Variants in ALDH3B2 observed in about 807,000 individuals in gnomAD.
ALDH3B2 encodes aldehyde dehydrogenase 3 family member B2.
A neutral mutation model predicts 36.7 loss-of-function variants in ALDH3B2; 45 were observed. The observed-to-expected ratio is 1.23, with a 90% CI of 0.97 to 1.57. The LOEUF (loss-of-function observed/expected upper bound fraction) is 1.57, where lower values mean the gene tolerates loss of function less well. ALDH3B2 is among the 40% of genes most tolerant of loss of function. The probability of loss-of-function intolerance (pLI) is 0.00; values close to 1 mark genes in which losing one functional copy is unlikely to be tolerated. For missense variants in ALDH3B2, 464 were observed against 513.3 expected (o/e 0.90, Z 0.93); for synonymous variants, 217 against 226.5 (o/e 0.96, Z 0.38).
intron 8 of ALDH3B2, 35 bp from the exon 9 acceptor site, chr11:67,663,796 A>C (rs573086275): frequency 6.4e-7 from 1 of 1,571,336 alleles, no homozygotes; most frequent in East Asian, 2.3e-5. Context: ...GTTGGGCTCT[A>C]GTCATGAGAA....
At chr11:67,674,076 C>T (rs2134158642) in intron 1 of ALDH3B2, among the ~76,000 whole-genome samples, 1 of 152,336 alleles carries the variant, frequency 6.6e-6, no homozygotes, top group South Asian at 2.1e-4. Context: ...CCTGGTGCCC[C>T]CGACCCAATC....
At chr11:67,662,805 G>A (rs1041259589) in exon 10 of ALDH3B2, 3 of 200,932 alleles carry the variant, frequency 1.5e-5, no homozygotes, top group South Asian at 1.8e-4. Flanking sequence ...GGAAGTGCGC[G>A]TGTGCCTAGA....
At chr11:67,676,099 T>G (rs1856264973), upstream of ALDH3B2, among the ~76,000 whole-genome samples, 1 of 151,886 alleles carries the variant, frequency 6.6e-6, no homozygotes, top group South Asian at 2.1e-4. Context: ...TACAAAAAAT[T>G]AGCCAGGCGT....
intron 1 of ALDH3B2, among the ~76,000 whole-genome samples, chr11:67,674,073 C>T (rs1856207706): frequency 6.6e-6 from 1 of 152,200 alleles, no homozygotes; most frequent in African/African-American, 2.4e-5. Flanking sequence ...AGCCCTGGTG[C>T]CCCCGACCCA....
At chr11:67,678,073 A>G (rs1856302891), upstream of ALDH3B2, among the ~76,000 whole-genome samples, 1 of 152,200 alleles carries the variant, frequency 6.6e-6, no homozygotes. Flanking sequence ...CACAATCTCC[A>G]TCAAAACACC....
At chr11:67,663,665 C>T in exon 9 of ALDH3B2, 1 of 1,608,290 alleles carries the variant, frequency 6.2e-7, no homozygotes, top group Non-Finnish European at 8.5e-7. Flanking sequence ...GACCCACCGA[C>T]TCCCCCGAAT....
chr11:67,677,045 T>A (rs1179021356), upstream of ALDH3B2, among the ~76,000 whole-genome samples: 1 of 152,082 alleles, frequency 6.6e-6, no homozygotes, highest in Non-Finnish European at 1.5e-5. Context: ...TTGGTACCAA[T>A]CCTTTTGACA....
chr11:67,664,637 C>A, intron 7 of ALDH3B2, 75 bp from the exon 8 acceptor site: 1 of 1,568,686 alleles, frequency 6.4e-7, no homozygotes, highest in South Asian at 1.2e-5. Context: ...GAGGTGGGGA[C>A]AGGGGCATGG....
chr11:67,671,546 C>A (rs55982998), intron 1 of ALDH3B2, among the ~76,000 whole-genome samples: 1 of 100,602 alleles, frequency 9.9e-6, no homozygotes, highest in Non-Finnish European at 2.2e-5. Flanking sequence ...TGCCTCCCCC[C>A]CCTTTTTTTT....
At chr11:67,667,548 C>A in exon 2 of ALDH3B2, 1 of 380,582 alleles carries the variant, frequency 2.6e-6, no homozygotes. Context: ...GGCCCTGGAG[C>A]TGCGCAGCCC....
At chr11:67,666,803 G>A in intron 3 of ALDH3B2, 103 bp downstream of exon 3, 1 of 1,609,268 alleles carries the variant, frequency 6.2e-7, no homozygotes, top group Non-Finnish European at 8.5e-7. Flanking sequence ...GGAGAGACGA[G>A]AAAATCAGTG....
intron 8 of ALDH3B2, 159 bp downstream of exon 8, chr11:67,664,237 A>G (rs1591140841): frequency 4.2e-6 from 5 of 1,199,980 alleles, no homozygotes; most frequent in East Asian, 4.8e-5. Context: ...TCTGCCAGGC[A>G]TCCTTGCGCC....
At chr11:67,672,147 TA>T (rs1366445394) in intron 1 of ALDH3B2, among the ~76,000 whole-genome samples, 1,399 of 65,636 alleles carry the variant, frequency 0.021, 94 homozygotes, top group African/African-American at 0.055. Flanking sequence ...TATATATATG[TA>T]TTTTTTTTTT....
intron 2 of ALDH3B2, 127 bp downstream of exon 2, chr11:67,667,346 A>G (rs1855949009): frequency 2.6e-6 from 1 of 377,440 alleles, no homozygotes; most frequent in East Asian, 4.4e-5. Context: ...CATGCCAGGG[A>G]GGGGGTCTGT....
intron 4 of ALDH3B2, 58 bp from the exon 5 acceptor site, chr11:67,666,459 G>A (rs1855916145): frequency 1.9e-6 from 3 of 1,602,536 alleles, no homozygotes; most frequent in African/African-American, 1.3e-5. Context: ...GCCCAACCAG[G>A]GGCTGGGCTC....
intron 6 of ALDH3B2, 131 bp downstream of exon 6, chr11:67,665,991 G>A (rs547086605): frequency 3.3e-5 from 41 of 1,237,378 alleles, no homozygotes; most frequent in South Asian, 1.8e-4. Flanking sequence ...GCAGGCAGAC[G>A]GACTCTGTGC....
At chr11:67,680,170 C>T (rs962176449) in intron 1 of ALDH3B2, among the ~76,000 whole-genome samples, 6 of 151,822 alleles carry the variant, frequency 4.0e-5, no homozygotes, top group South Asian at 2.1e-4. Context: ...AAAAATTAGC[C>T]GGGCGTGGTG....
intron 8 of ALDH3B2, 75 bp from the exon 9 acceptor site, chr11:67,663,836 G>T: frequency 7.6e-7 from 1 of 1,320,804 alleles, no homozygotes; most frequent in Non-Finnish European, 1.0e-6. Context: ...ATTCCACAGC[G>T]GAGGTGAGCC....
chr11:67,663,233 C>G, exon 10 of ALDH3B2: 3 of 1,611,056 alleles, frequency 1.9e-6, no homozygotes, highest in Non-Finnish European at 2.5e-6. Flanking sequence ...GGGTGCAGCT[C>G]TGGGAGCCCA....
Sources: gnomAD v4.1 joint callset for allele counts (sites outside exome capture counted in the v4.1 genomes callset) on GRCh38, gnomAD v4.1.1 for gene constraint, MANE v1.5 for transcripts, NCBI Gene and HGNC (gene_info 2026-07-23, HGNC 2026-07-21) for gene names.